The following UGGT2 variants were observed in gnomAD, a reference collection of about 807,000 sequenced individuals.
The protein encoded by UGGT2 is UDP-glucose glycoprotein glucosyltransferase 2.
Under a neutral mutation model 192.1 loss-of-function variants are expected in UGGT2, and 180 were observed. The ratio of observed to expected loss-of-function variants is 0.94; its 90% CI spans 0.83 to 1.06. The LOEUF (loss-of-function observed/expected upper bound fraction) is 1.06. UGGT2 is among the 50% of genes least tolerant of loss of function. The pLI is 0.00. For synonymous variants in UGGT2, 580 were observed against 591.0 expected (o/e 0.98, Z 0.27); for missense variants, 1,849 against 1,795.7 (o/e 1.03, Z -0.54).
At chr13:95,966,074 C>CA (rs1455503073) in intron 12 of UGGT2, among the ~76,000 whole-genome samples, 3 of 152,152 alleles carry the variant, frequency 2.0e-5, no homozygotes, top group African/African-American at 7.2e-5. Context: ...ACCAACATCT[C>CA]AAAGAGATAC....
rs777905196 is a variant in UGGT2 at position 95,884,562 on chromosome 13, T to C, written c.3157A>G (p.Ile1053Val). The C allele has an allele frequency of 3.7e-6, 6 of 1,613,842 alleles. No homozygotes were observed. In the South Asian group the frequency reaches 5.5e-5, roughly 15 times the overall value. Residue 1053 changes from isoleucine to valine, a missense_variant, in exon 27 of 39, where the codon ATT becomes GTT. Transcript: ENST00000376747. ...PESPLLILNM[I>V]TPEGWLVETV... ...TCAACCAACCAGCCTTCTGGAGTAATCATGTTGAGGATTAGGAGGGGTGAT... is the reference window on the plus strand; with the variant it reads ...TCAACCAACCAGCCTTCTGGAGTAACCATGTTGAGGATTAGGAGGGGTGAT...
intron 6 of UGGT2, among the ~76,000 whole-genome samples, chr13:95,998,635 G>A (rs573820861): frequency 3.7e-4 from 57 of 152,216 alleles, no homozygotes; most frequent in African/African-American, 1.3e-3. Context: ...CTGAGAACTT[G>A]TTTAGTTTAT....
chr13:95,922,674 T>G (rs1376938579), intron 20 of UGGT2, among the ~76,000 whole-genome samples: 1 of 151,552 alleles, frequency 6.6e-6, no homozygotes, highest in Admixed American at 6.6e-5. Context: ...ATACAAAAAT[T>G]TGCTGGGTGT....
At chr13:95,949,265 GA>G in intron 13 of UGGT2, 69 bp downstream of exon 13, 1 of 1,313,912 alleles carries the variant, frequency 7.6e-7, no homozygotes, top group Non-Finnish European at 9.9e-7. Flanking sequence ...TTCATTGACA[GA>G]AGGATAATCC....
chr13:95,974,435 C>G (rs1025431214), intron 10 of UGGT2, among the ~76,000 whole-genome samples: 3 of 152,136 alleles, frequency 2.0e-5, no homozygotes, highest in Admixed American at 6.5e-5. Flanking sequence ...CAAAGTACAC[C>G]AAGCATGCAG....
chr13:95,856,414 T>G, intron 33 of UGGT2, 74 bp from the exon 34 acceptor site: 1 of 1,498,820 alleles, frequency 6.7e-7, no homozygotes, highest in Non-Finnish European at 9.0e-7. Context: ...AAAATAACAT[T>G]AAAAAGGTAA....
intron 31 of UGGT2, 119 bp from the exon 32 acceptor site, chr13:95,861,002 ACT>A (rs1890113877): frequency 2.2e-6 from 1 of 450,370 alleles, no homozygotes; most frequent in Non-Finnish European, 3.9e-6. Flanking sequence ...AGCTATAAAC[ACT>A]CTATAATATT....
At chr13:95,802,404 C>T (rs1884101085) in intron 38 of UGGT2, among the ~76,000 whole-genome samples, 1 of 152,106 alleles carries the variant, frequency 6.6e-6, no homozygotes, top group Non-Finnish European at 1.5e-5. Flanking sequence ...AAATAAAATA[C>T]AATTTAAATG....
At chr13:96,015,620 A>G (rs959287740) in intron 4 of UGGT2, among the ~76,000 whole-genome samples, 1 of 152,196 alleles carries the variant, frequency 6.6e-6, no homozygotes, top group African/African-American at 2.4e-5. Context: ...TACTGAATTG[A>G]CTAAGGTGTT....
chr13:95,983,766 A>C, intron 10 of UGGT2, 38 bp downstream of exon 10: 1 of 1,372,394 alleles, frequency 7.3e-7, no homozygotes, highest in Non-Finnish European at 1.0e-6. Context: ...CAGTGATATT[A>C]GTTGGGTAAA....
chr13:95,805,025 G>T (rs1470848087), intron 38 of UGGT2, among the ~76,000 whole-genome samples: 1 of 151,872 alleles, frequency 6.6e-6, no homozygotes, highest in Admixed American at 6.6e-5. Context: ...GAAAATATCT[G>T]CAAATCATGT....
At chr13:96,052,487 C>T (rs2053514170) in intron 1 of UGGT2, among the ~76,000 whole-genome samples, 1 of 151,656 alleles carries the variant, frequency 6.6e-6, no homozygotes, top group Non-Finnish European at 1.5e-5. Context: ...AAAAAAAGAA[C>T]TTTTAGCATC....
intron 36 of UGGT2, among the ~76,000 whole-genome samples, chr13:95,842,937 CA>C (rs973339382): frequency 2.8e-4 from 43 of 152,126 alleles, no homozygotes; most frequent in African/African-American, 9.4e-4. Context: ...TGAGCTAGGT[CA>C]GACTACAGGA....
intron 26 of UGGT2, among the ~76,000 whole-genome samples, chr13:95,885,473 A>G (rs2047619323): frequency 6.6e-6 from 1 of 152,242 alleles, no homozygotes; most frequent in Non-Finnish European, 1.5e-5. Flanking sequence ...TCAAAAGAGA[A>G]GCACACAGAA....
rs540747340 is a variant in UGGT2, at chr13:95,980,709, T to C, written c.1092+3095A>G. 1.1e-4 allele frequency among the ~76,000 whole-genome samples: 17 copies of C among 152,284 alleles called. No individual in the cohort carries two copies. In the South Asian group the frequency reaches 3.3e-3, roughly 30 times the overall value. ...AGATGGAGCAGCCCAGCATCCACAGTGTGTGCTCTTCAGAGCTGGATGTCG... is the reference window on the plus strand; with the variant it reads ...AGATGGAGCAGCCCAGCATCCACAGCGTGTGCTCTTCAGAGCTGGATGTCG... On this transcript the variant is annotated intron_variant, in intron 10 of 38. Coordinates refer to ENST00000376747, the MANE Select transcript of UGGT2 (RefSeq NM_020121.4).
chr13:95,830,766 T>A (rs1271666294), intron 38 of UGGT2, among the ~76,000 whole-genome samples: 1 of 152,200 alleles, frequency 6.6e-6, no homozygotes, highest in Admixed American at 6.5e-5. Flanking sequence ...GACCCAGCCA[T>A]CCCATTACTG....
chr13:95,835,330 G>A (rs1382571845), intron 37 of UGGT2, among the ~76,000 whole-genome samples: 1 of 152,104 alleles, frequency 6.6e-6, no homozygotes, highest in Non-Finnish European at 1.5e-5. Context: ...ACTGAATTTT[G>A]GGGGTTTGTT....
At chr13:95,962,441 C>T (rs917693216) in intron 12 of UGGT2, among the ~76,000 whole-genome samples, 1 of 151,896 alleles carries the variant, frequency 6.6e-6, no homozygotes, top group African/African-American at 2.4e-5. Flanking sequence ...AACTGGAAAC[C>T]TTGGAGGAAA....
intron 36 of UGGT2, among the ~76,000 whole-genome samples, chr13:95,840,405 A>C (rs757295347): frequency 5.3e-5 from 8 of 152,220 alleles, no homozygotes; most frequent in Non-Finnish European, 1.2e-4. Flanking sequence ...CGCTTCTCAA[A>C]AGAAGACACT....
Sources: gnomAD v4.1 joint callset for allele counts (sites outside exome capture counted in the v4.1 genomes callset) on GRCh38, gnomAD v4.1.1 for gene constraint, MANE v1.5 for transcripts, NCBI Gene and HGNC (gene_info 2026-07-23, HGNC 2026-07-21) for gene names.